Variants in EYA2 observed in about 807,000 individuals in gnomAD.
EYA2 encodes the protein EYA transcriptional coactivator and phosphatase 2, also known as protein phosphatase EYA2.
Under a neutral mutation model 69.2 loss-of-function variants are expected in EYA2, and 31 were observed. The observed-to-expected ratio is 0.45, with a 90% CI of 0.34 to 0.60. EYA2 has a LOEUF of 0.60. Among genes scored for constraint, EYA2 ranks in the 20% least tolerant of loss-of-function variants. The pLI, the probability that EYA2 is intolerant of heterozygous loss-of-function variation, is 0.02. For missense variants in EYA2, 622 were observed against 701.2 expected, an observed-to-expected ratio of 0.89 and a Z score of 1.28; for synonymous variants, 257 against 279.4, an observed-to-expected ratio of 0.92 and a Z score of 0.80.
In EYA2 at chr20:47,040,921, C is replaced by T. The variant is rs144008727; in HGVS notation, c.415+24624C>T. ...GCCAGCATCTTATCACTGGACAGCACATGTTCTGAGGGCATGCCAAGGGTT... is the reference window on the plus strand; with the variant it reads ...GCCAGCATCTTATCACTGGACAGCATATGTTCTGAGGGCATGCCAAGGGTT... On this transcript the variant is annotated intron_variant, in intron 5 of 15. Transcript: ENST00000327619. 2.4e-3 allele frequency among the ~76,000 whole-genome samples: 369 copies of T among 152,326 alleles called. 2 individuals are homozygous for T. The highest frequency in any genetic ancestry group is 8.5e-3 in the African/African-American group (355 of 41,570).
At chr20:47,156,498 G>A (rs898043288) in intron 10 of EYA2, among the ~76,000 whole-genome samples, 4 of 151,752 alleles carry the variant, frequency 2.6e-5, no homozygotes, top group Non-Finnish European at 5.9e-5. Flanking sequence ...AGACCATGCC[G>A]GAGAGACTCA....
At chr20:46,922,933 A>G (rs1377147868) in intron 1 of EYA2, among the ~76,000 whole-genome samples, 1 of 152,238 alleles carries the variant, frequency 6.6e-6, no homozygotes, top group African/African-American at 2.4e-5. Context: ...TCACCCATGC[A>G]GTATTCTGGG....
At chr20:46,969,760 T>C (rs1213215099) in intron 1 of EYA2, among the ~76,000 whole-genome samples, 1 of 152,222 alleles carries the variant, frequency 6.6e-6, no homozygotes, top group Non-Finnish European at 1.5e-5. Context: ...CATTTAATTT[T>C]TCTTAGCAGG....
At chr20:46,937,517 G>A (rs1390672402) in intron 1 of EYA2, among the ~76,000 whole-genome samples, 3 of 152,276 alleles carry the variant, frequency 2.0e-5, no homozygotes, top group East Asian at 3.9e-4. Context: ...GATTGGCGGC[G>A]ATTTTCTGCC....
chr20:46,942,136 C>T (rs1419240215), intron 1 of EYA2, among the ~76,000 whole-genome samples: 3 of 152,168 alleles, frequency 2.0e-5, no homozygotes, highest in Non-Finnish European at 4.4e-5. Flanking sequence ...TTTTCTGTTA[C>T]TAGCCCTCCT....
intron 10 of EYA2, among the ~76,000 whole-genome samples, chr20:47,150,932 G>A (rs926266936): frequency 2.0e-5 from 3 of 152,014 alleles, no homozygotes; most frequent in African/African-American, 7.2e-5. Flanking sequence ...GGACAGTCAC[G>A]TGCCAATAAA....
At chr20:47,098,843 AC>A (rs1193195591) in intron 9 of EYA2, among the ~76,000 whole-genome samples, 1 of 151,964 alleles carries the variant, frequency 6.6e-6, no homozygotes, top group Non-Finnish European at 1.5e-5. Flanking sequence ...TGACAAGCCT[AC>A]CCCCAGCCTC....
intron 13 of EYA2, among the ~76,000 whole-genome samples, chr20:47,180,534 T>G (rs943992571): frequency 1.3e-5 from 2 of 152,186 alleles, no homozygotes; most frequent in African/African-American, 4.8e-5. Context: ...TATCACTCAT[T>G]TACATTACCC....
chr20:46,897,793 T>C (rs140801663), intron 1 of EYA2, among the ~76,000 whole-genome samples: 1 of 152,276 alleles, frequency 6.6e-6, no homozygotes, highest in East Asian at 1.9e-4. Flanking sequence ...TCCACGCACA[T>C]GATCGCAGAG....
chr20:47,004,385 A>G (rs1406875341), intron 3 of EYA2, among the ~76,000 whole-genome samples: 3 of 152,376 alleles, frequency 2.0e-5, no homozygotes, highest in Non-Finnish European at 2.9e-5. Context: ...GCTGCAGTCA[A>G]TTGAGAAGGT....
Position 47,056,018 on chromosome 20 carries a change from A to G in EYA2, c.416-16167A>G, listed in dbSNP as rs140691916. On this transcript the variant is annotated intron_variant, in intron 5 of 15. Coordinates refer to ENST00000327619, the MANE Select transcript of EYA2 (RefSeq NM_005244.5). ...TTATCCCGACTTGTGTGGCAGAGACACAGTGACAGGGCAGCCTATCTGAAA... is the reference window on the plus strand; with the variant it reads ...TTATCCCGACTTGTGTGGCAGAGACGCAGTGACAGGGCAGCCTATCTGAAA... Among the ~76,000 whole-genome samples, 1,116 of 152,176 alleles carry G rather than the reference A, an allele frequency of 7.3e-3. 7 individuals are homozygous for G. Among genetic ancestry groups the G allele is most frequent in the African/African-American group, 0.025 (1,047 of 41,422 alleles).
chr20:47,160,142 G>C (rs534202992), intron 10 of EYA2, among the ~76,000 whole-genome samples: 1 of 152,192 alleles, frequency 6.6e-6, no homozygotes. Context: ...GATCCCTCTG[G>C]CTGCTGGCTG....
chr20:47,004,870 G>A (rs1160620334), intron 3 of EYA2, 72 bp from the exon 4 acceptor site: 28 of 1,605,242 alleles, frequency 1.7e-5, no homozygotes, highest in Admixed American at 5.0e-5. Context: ...AAATGGGGGT[G>A]TTGATATCAA....
At chr20:47,129,779 T>C (rs1360724639) in intron 9 of EYA2, among the ~76,000 whole-genome samples, 1 of 152,072 alleles carries the variant, frequency 6.6e-6, no homozygotes, top group Non-Finnish European at 1.5e-5. Flanking sequence ...GCCTTGGAAA[T>C]AAGATAAATG....
chr20:47,181,321 G>A (rs1037815147), intron 14 of EYA2, among the ~76,000 whole-genome samples: 2 of 152,154 alleles, frequency 1.3e-5, no homozygotes, highest in East Asian at 1.9e-4. Context: ...GGTCTCTCCC[G>A]TTTTATTTTT....
intron 1 of EYA2, among the ~76,000 whole-genome samples, chr20:46,977,860 G>C (rs1980555195): frequency 6.6e-6 from 1 of 152,146 alleles, no homozygotes; most frequent in South Asian, 2.1e-4. Context: ...ACAGGAGGAG[G>C]GATTTGTGAT....
chr20:47,022,459 G>A (rs1328393325), intron 5 of EYA2, among the ~76,000 whole-genome samples: 1 of 151,674 alleles, frequency 6.6e-6, no homozygotes, highest in African/African-American at 2.4e-5. Flanking sequence ...GATTACAGGC[G>A]CCTGCCACCA....
intron 4 of EYA2, among the ~76,000 whole-genome samples, chr20:47,014,639 T>C (rs1232990741): frequency 1.7e-5 from 2 of 115,942 alleles, no homozygotes; most frequent in African/African-American, 7.2e-5. Context: ...TGTGTGTGTG[T>C]GTGTGTGTGT....
At position 47,039,835 on chromosome 20, in the gene EYA2, C is replaced by CTTTTTTT. The variant is rs10689930; in HGVS notation, c.415+23555_415+23561dup. ...ATAGGGTCATTGTGAAGATCAAATA[C>CTTTTTTT]TTTTTTTTTTTTTTTTTTTTTTTGA... On this transcript the variant is annotated intron_variant, in intron 5 of 15. Transcript: ENST00000327619. Among the ~76,000 whole-genome samples the CTTTTTTT allele has an allele frequency of 6.7e-3, 470 of 69,792 alleles. 105 individuals are homozygous for CTTTTTTT. The highest frequency in any genetic ancestry group is 0.018 in the African/African-American group (299 of 16,434). The allele number at this position is 69,792 out of a possible 152,430, so 45.8% of individuals were successfully genotyped here.
Sources: allele counts gnomAD v4.1 joint callset (sites outside exome capture counted in the v4.1 genomes callset), GRCh38; gene constraint gnomAD v4.1.1; transcripts MANE v1.5; gene names NCBI Gene and HGNC (gene_info 2026-07-23, HGNC 2026-07-21).